CREB5: variants seen among roughly 807,000 people sequenced by gnomAD.
CREB5 encodes the protein cAMP responsive element binding protein 5.
In CREB5, 19 loss-of-function variants were observed where a neutral mutation model predicts 57.1. The ratio of observed to expected loss-of-function variants is 0.33; its 90% confidence interval spans 0.23 to 0.49. CREB5 has a LOEUF of 0.49. Among genes scored for constraint, CREB5 ranks in the 20% least tolerant of loss-of-function variants. CREB5 has a pLI of 0.99. For synonymous variants in CREB5, 238 were observed against 238.3 expected, an observed-to-expected ratio of 1.00 and a Z score of 0.01; for missense variants, 579 against 671.6, an observed-to-expected ratio of 0.86 and a Z score of 1.52.
At chr7:28,475,414 GA>G (rs1554329750) in intron 1 of CREB5, among the ~76,000 whole-genome samples, 1 of 150,572 alleles carries the variant, frequency 6.6e-6, no homozygotes, top group Non-Finnish European at 1.5e-5. Context: ...CTATTTTTTA[GA>G]AAAAGTAGCA....
At chr7:28,661,817 T>G (rs1040936013) in intron 5 of CREB5, among the ~76,000 whole-genome samples, 1 of 152,226 alleles carries the variant, frequency 6.6e-6, no homozygotes, top group East Asian at 1.9e-4. Flanking sequence ...ACATTATTTT[T>G]AAGGAGGAAG....
At chr7:28,655,979 G>A (rs7811363) in intron 5 of CREB5, among the ~76,000 whole-genome samples, 17,383 of 151,624 alleles carry the variant, frequency 0.11, 2,442 homozygotes, top group African/African-American at 0.34. Context: ...AAAAGGCAGG[G>A]AAAAAAAGCC....
intron 1 of CREB5, among the ~76,000 whole-genome samples, chr7:28,444,417 C>T (rs1164389349): frequency 6.6e-6 from 1 of 152,076 alleles, no homozygotes. Context: ...TTGCCAGGTT[C>T]CTGAGAAAAT....
chr7:28,623,164 TG>T, intron 5 of CREB5, among the ~76,000 whole-genome samples: 1 of 152,280 alleles, frequency 6.6e-6, no homozygotes, highest in South Asian at 2.1e-4. Context: ...ATTACAGGCA[TG>T]AGCCACTGCA....
rs187889253 is a variant in CREB5, at chr7:28,684,508, C to G, written c.465-34245C>G. 1.2e-3 allele frequency among the ~76,000 whole-genome samples: 181 copies of G among 152,362 alleles called. 1 individual carries two copies. The highest frequency in any genetic ancestry group is 6.8e-3 in the Middle Eastern group (2 of 294). ...ACTCTTCACCCTGAGTACGGCAACA[C>G]TCCCTGAAGCTGTGATTTAAATTCC... On this transcript the variant is annotated intron_variant, in intron 5 of 10. Transcript: ENST00000357727.
chr7:28,440,441 G>T (rs1256316254), intron 1 of CREB5, among the ~76,000 whole-genome samples: 1 of 152,080 alleles, frequency 6.6e-6, no homozygotes, highest in East Asian at 1.9e-4. Context: ...CATGCTTATT[G>T]CCAGCTTGCT....
chr7:28,451,912 G>A (rs1190464609), intron 1 of CREB5, among the ~76,000 whole-genome samples: 1 of 152,126 alleles, frequency 6.6e-6, no homozygotes, highest in African/African-American at 2.4e-5. Context: ...GCATTTTAAA[G>A]TATATTCACA....
chr7:28,780,818 T>C (rs543340301), intron 7 of CREB5, among the ~76,000 whole-genome samples: 1 of 152,332 alleles, frequency 6.6e-6, no homozygotes, highest in Admixed American at 6.5e-5. Flanking sequence ...GATGCTTTTT[T>C]ATTTCAGCAT....
intron 7 of CREB5, among the ~76,000 whole-genome samples, chr7:28,797,048 A>C (rs1341084132): frequency 6.6e-6 from 1 of 152,260 alleles, no homozygotes; most frequent in African/African-American, 2.4e-5. Context: ...TTCATTCAGC[A>C]AGAATAAATT....
upstream of CREB5, among the ~76,000 whole-genome samples, chr7:28,408,542 T>C (rs1787639422): frequency 6.6e-6 from 1 of 152,122 alleles, no homozygotes; most frequent in Admixed American, 6.5e-5. Flanking sequence ...TTGGGCCAGT[T>C]ACCGAAGAGG....
chr7:28,710,713 T>G (rs1802360054), intron 5 of CREB5, among the ~76,000 whole-genome samples: 1 of 152,212 alleles, frequency 6.6e-6, no homozygotes, highest in South Asian at 2.1e-4. Context: ...TTTATCATTA[T>G]ATATACACCA....
At chr7:28,564,989 T>C (rs932160235) in intron 4 of CREB5, among the ~76,000 whole-genome samples, 1 of 152,166 alleles carries the variant, frequency 6.6e-6, no homozygotes, top group African/African-American at 2.4e-5. Context: ...TCCAGCCCCC[T>C]CCTTTAATGA....
chr7:28,624,074 G>T (rs1456947567), intron 5 of CREB5, among the ~76,000 whole-genome samples: 1 of 152,076 alleles, frequency 6.6e-6, no homozygotes, highest in African/African-American at 2.4e-5. Context: ...GCCCTCTACA[G>T]GTATTCAACC....
intron 6 of CREB5, among the ~76,000 whole-genome samples, chr7:28,722,226 C>T (rs1211785103): frequency 6.6e-6 from 1 of 152,184 alleles, no homozygotes; most frequent in African/African-American, 2.4e-5. Context: ...ATTCCAGAAG[C>T]TGTAAGCAGG....
At chr7:28,705,386 G>A (rs200420996) in intron 5 of CREB5, among the ~76,000 whole-genome samples, 2 of 143,282 alleles carry the variant, frequency 1.4e-5, no homozygotes, top group Admixed American at 7.1e-5. Flanking sequence ...AAAAAAGAAA[G>A]AAAGAAAAGA....
chr7:28,460,275 G>T (rs143928088), intron 1 of CREB5, among the ~76,000 whole-genome samples: 424 of 152,104 alleles, frequency 2.8e-3, no homozygotes, highest in Non-Finnish European at 4.5e-3. Flanking sequence ...AAAGGGAGAG[G>T]ATAAAAAGGA....
Position 28,570,280 on chromosome 7 carries a change from T to G in CREB5, c.292-85T>G. ...TCTCTATGTAGTTGACATGACTAGA[T>G]TCCCAGTTTTGGCCTTTGAGAGCTT... is the stretch of plus-strand genomic sequence containing the variant. On this transcript the variant is annotated intron_variant, in intron 4 of 10. Transcript: ENST00000357727. 6 of 1,426,462 alleles carry G rather than the reference T, an allele frequency of 4.2e-6. No homozygotes were observed. The South Asian group carries it at 6.8e-5, about 16-fold the overall frequency. The allele number at this position is 1,426,462 out of a possible 1,614,324, so 88.4% of individuals were successfully genotyped here. A position where few individuals can be genotyped will look rare whatever the true frequency, so the allele number is the denominator to read the frequency against.
At chr7:28,775,981 G>T (rs1806601965) in intron 7 of CREB5, among the ~76,000 whole-genome samples, 1 of 152,104 alleles carries the variant, frequency 6.6e-6, no homozygotes, top group African/African-American at 2.4e-5. Flanking sequence ...TGCCCCGTGT[G>T]CACAGCAAAT....
chr7:28,818,644 T>C, intron 10 of CREB5: 1 of 426,866 alleles, frequency 2.3e-6, no homozygotes, highest in Non-Finnish European at 4.6e-6. Context: ...ATCCCTTCCT[T>C]CAGACCCCAG....
Sources: gnomAD v4.1 joint callset for allele counts (sites outside exome capture counted in the v4.1 genomes callset) on GRCh38, gnomAD v4.1.1 for gene constraint, MANE v1.5 for transcripts, NCBI Gene and HGNC (gene_info 2026-07-23, HGNC 2026-07-21) for gene names.